The following SND1 variants were observed in gnomAD, a reference collection of about 807,000 sequenced individuals.
The protein encoded by SND1 is staphylococcal nuclease and tudor domain containing 1.
In SND1, 38 loss-of-function variants were observed where a neutral mutation model predicts 121.7. The observed-to-expected ratio is 0.31, with a 90% CI of 0.24 to 0.41. The LOEUF is 0.41. Among genes scored for constraint, SND1 ranks in the 10% least tolerant of loss-of-function variants. SND1 has a pLI of 1.00. For synonymous variants in SND1, 401 were observed against 447.4 expected (o/e 0.90, Z 1.31); for missense variants, 868 against 1,184.6 (o/e 0.73, Z 3.92).
At chr7:127,682,259 T>TA in intron 1 of SND1, among the ~76,000 whole-genome samples, 1 of 152,160 alleles carries the variant, frequency 6.6e-6, no homozygotes, top group African/African-American at 2.4e-5. Context: ...AGTAAACCCA[T>TA]AAGTGGGTTT....
chr7:127,728,424 G>T (rs886919557), intron 10 of SND1, among the ~76,000 whole-genome samples: 1 of 152,170 alleles, frequency 6.6e-6, no homozygotes, highest in Non-Finnish European at 1.5e-5. Context: ...GTGAGCTGCA[G>T]TAATTCTGTG....
intron 13 of SND1, 124 bp from the exon 14 acceptor site, chr7:127,904,623 T>G: frequency 1.5e-6 from 1 of 646,140 alleles, no homozygotes; most frequent in South Asian, 1.8e-5. Context: ...CAGTGTACAG[T>G]GTGACTTGTG....
intron 10 of SND1, among the ~76,000 whole-genome samples, chr7:127,795,948 C>T (rs1040338452): frequency 1.1e-4 from 17 of 152,048 alleles, no homozygotes; most frequent in African/African-American, 3.9e-4. Context: ...AGCTCCGCCT[C>T]CCGGGTTCAC....
chr7:127,796,500 C>T (rs1038147809), intron 10 of SND1, among the ~76,000 whole-genome samples: 4 of 152,008 alleles, frequency 2.6e-5, no homozygotes, highest in Admixed American at 1.3e-4. Flanking sequence ...CTTTTTTTCT[C>T]GTTCATAGAT....
At chr7:127,776,689 G>A (rs1479127599) in intron 10 of SND1, among the ~76,000 whole-genome samples, 1 of 152,184 alleles carries the variant, frequency 6.6e-6, no homozygotes, top group Non-Finnish European at 1.5e-5. Flanking sequence ...AGCCTTTTGT[G>A]TGTGTGATTC....
intron 15 of SND1, among the ~76,000 whole-genome samples, chr7:127,937,315 G>C (rs1172463921): frequency 6.6e-6 from 1 of 152,198 alleles, no homozygotes; most frequent in Non-Finnish European, 1.5e-5. Flanking sequence ...TTCCCATGTG[G>C]ATCACAGCAG....
chr7:127,842,301 T>C (rs893474845), intron 11 of SND1, among the ~76,000 whole-genome samples: 14 of 152,192 alleles, frequency 9.2e-5, no homozygotes, highest in African/African-American at 2.7e-4. Flanking sequence ...TTTGTAAACC[T>C]TGGTTTTGAC....
intron 13 of SND1, among the ~76,000 whole-genome samples, chr7:127,900,972 G>A (rs1319733426): frequency 2.6e-5 from 4 of 152,302 alleles, no homozygotes; most frequent in Non-Finnish European, 2.9e-5. Flanking sequence ...AGCAGGAGAA[G>A]TTTAGAAGTC....
intron 11 of SND1, among the ~76,000 whole-genome samples, chr7:127,822,511 T>C (rs1798566539): frequency 6.6e-6 from 1 of 151,654 alleles, no homozygotes; most frequent in Non-Finnish European, 1.5e-5. Context: ...TGATACTGCA[T>C]TTTTTTTGCT....
At chr7:127,673,619 A>G (rs1428200623) in intron 1 of SND1, among the ~76,000 whole-genome samples, 2 of 152,170 alleles carry the variant, frequency 1.3e-5, no homozygotes, top group Admixed American at 6.5e-5. Flanking sequence ...GCCTCTATTA[A>G]TGATTCTTGT....
chr7:127,813,220 G>A (rs1017203311), intron 11 of SND1, among the ~76,000 whole-genome samples: 2 of 152,318 alleles, frequency 1.3e-5, no homozygotes, highest in African/African-American at 4.8e-5. Context: ...TGGTAGTAAT[G>A]TGTCAACATG....
intron 1 of SND1, among the ~76,000 whole-genome samples, chr7:127,655,124 T>C (rs1231253021): frequency 6.6e-6 from 1 of 152,196 alleles, no homozygotes; most frequent in Non-Finnish European, 1.5e-5. Context: ...ACTCTTTGGA[T>C]TTATCTGGAC....
At chr7:128,075,499 G>T (rs929402410) in intron 17 of SND1, among the ~76,000 whole-genome samples, 1 of 152,222 alleles carries the variant, frequency 6.6e-6, no homozygotes, top group Non-Finnish European at 1.5e-5. Flanking sequence ...GCCAAAAAGA[G>T]TCGGGGGCTT....
At chr7:127,878,256 C>T (rs952898739) in intron 12 of SND1, among the ~76,000 whole-genome samples, 2 of 152,168 alleles carry the variant, frequency 1.3e-5, no homozygotes, top group Non-Finnish European at 2.9e-5. Flanking sequence ...TCTCAACTCT[C>T]AGTTGTATTT....
intron 16 of SND1, among the ~76,000 whole-genome samples, chr7:128,070,516 C>T (rs988778728): frequency 1.3e-5 from 2 of 152,120 alleles, no homozygotes; most frequent in African/African-American, 4.8e-5. Flanking sequence ...CTATTGAGTC[C>T]AGAGCTCTTC....
chr7:127,832,516 T>A (rs948997499), intron 11 of SND1, among the ~76,000 whole-genome samples: 1 of 152,208 alleles, frequency 6.6e-6, no homozygotes, highest in Admixed American at 6.5e-5. Flanking sequence ...ATTCTGTAGA[T>A]CTGCACGTGA....
chr7:127,704,816 C>T lies in SND1; in HGVS notation c.841-23C>T, dbSNP rs1796161060. The T allele has an allele frequency of 2.5e-6, 4 of 1,587,888 alleles. No individual in the cohort carries two copies. In the South Asian group the frequency reaches 4.4e-5, roughly 18 times the overall value. On this transcript the variant is annotated intron_variant, in intron 7 of 23. Transcript: ENST00000354725. ...ACAACAGAGTCTAATCCGTGCCTGC[C>T]TCTCATGTACCTTGTTTTTCAGAAT...
In SND1 at chr7:127,878,866, C is replaced by T. The variant is rs577428349; in HGVS notation, c.1344-9036C>T. Among the ~76,000 whole-genome samples the T allele has an allele frequency of 4.6e-5, 7 of 152,150 alleles. No individual in the cohort carries two copies. In the South Asian group the frequency reaches 1.5e-3, roughly 32 times the overall value. On this transcript the variant is annotated intron_variant, in intron 12 of 23. Transcript: ENST00000354725. ...TGCCACCTCAAATGTTTCCAATTAT[C>T]GAGGCTTCCAAAACAGAATCTCCTG...
chr7:127,731,875 G>A (rs532636233), intron 10 of SND1, among the ~76,000 whole-genome samples: 12 of 152,304 alleles, frequency 7.9e-5, no homozygotes, highest in East Asian at 3.9e-4. Flanking sequence ...TACCGTAGAC[G>A]GAACCTGACA....
Sources: gnomAD v4.1 joint callset for allele counts (sites outside exome capture counted in the v4.1 genomes callset) on GRCh38, gnomAD v4.1.1 for gene constraint, MANE v1.5 for transcripts, NCBI Gene and HGNC (gene_info 2026-07-23, HGNC 2026-07-21) for gene names.